The following REEP1 variants were observed in gnomAD, a reference collection of about 807,000 sequenced individuals.
The protein encoded by REEP1 is receptor accessory protein 1, also known as receptor expression-enhancing protein 1.
In REEP1, 22 loss-of-function variants were observed where a neutral mutation model predicts 40.3. That is an observed-to-expected ratio of 0.55 (90% CI 0.39 to 0.78). The LOEUF is 0.78. Ranked by LOEUF, REEP1 falls within the 30% of genes least tolerant of loss-of-function variation. The pLI is 0.00. For synonymous variants in REEP1, 116 were observed against 139.2 expected (o/e 0.83, Z 1.17); for missense variants, 280 against 361.1 (o/e 0.78, Z 1.82).
chr2:86,322,155 T>C (rs1293246481), intron 1 of REEP1, among the ~76,000 whole-genome samples: 1 of 152,204 alleles, frequency 6.6e-6, no homozygotes, highest in African/African-American at 2.4e-5. Context: ...ATGACATTTA[T>C]AGCAAAATTA....
Position 86,217,025 on chromosome 2 carries a change from T to C in REEP1, c.*14A>G. Reference sequence around the variant, plus strand: ...GAAACATTCTGTGGATCCGGTGCTGTTGGCTCATCTCACTCACGTGGTTTC... The same window carrying C: ...GAAACATTCTGTGGATCCGGTGCTGCTGGCTCATCTCACTCACGTGGTTTC... On this transcript the variant is annotated 3_prime_UTR_variant, in exon 9 of 9. Coordinates refer to ENST00000538924, the MANE Select transcript of REEP1 (RefSeq NM_001371279.1). 3 of 1,610,196 alleles carry C rather than the reference T, an allele frequency of 1.9e-6. No homozygotes were observed. Among genetic ancestry groups the C allele is most frequent in the Non-Finnish European group, 2.6e-6 (3 of 1,176,440 alleles).
chr2:86,286,927 T>C (rs1339488899), intron 1 of REEP1, among the ~76,000 whole-genome samples: 2 of 152,190 alleles, frequency 1.3e-5, no homozygotes, highest in Admixed American at 6.5e-5. Context: ...TTTTTTAAAA[T>C]GTAAGAGGAA....
intron 7 of REEP1, among the ~76,000 whole-genome samples, chr2:86,222,873 G>C (rs1188956112): frequency 6.6e-6 from 1 of 152,166 alleles, no homozygotes; most frequent in Admixed American, 6.5e-5. Flanking sequence ...TGAGTAGCTG[G>C]GTAGAAAATC....
At chr2:86,285,258 CTT>C (rs762847237) in intron 1 of REEP1, among the ~76,000 whole-genome samples, 30 of 152,316 alleles carry the variant, frequency 2.0e-4, no homozygotes, top group African/African-American at 6.7e-4. Flanking sequence ...TCCCACAACT[CTT>C]TTGTTTTTCC....
intron 6 of REEP1, among the ~76,000 whole-genome samples, chr2:86,230,677 C>T (rs1399655537): frequency 6.6e-6 from 1 of 152,220 alleles, no homozygotes; most frequent in Non-Finnish European, 1.5e-5. Flanking sequence ...TGCACTGGCG[C>T]CAGGCATGGC....
rs564749379 is a variant in REEP1 at position 86,232,292 on chromosome 2, G to A, written c.595+333C>T. Among the ~76,000 whole-genome samples the A allele has an allele frequency of 6.6e-5, 10 of 152,252 alleles. No individual in the cohort carries two copies. The South Asian group carries it at 1.9e-3, about 28-fold the overall frequency. ...TGAGAAGACAACACAGAAGGCTCCC[G>A]GGGCCCAGGTCCAGTTGTGCCTGCT... On this transcript the variant is annotated intron_variant, in intron 6 of 8. Transcript: ENST00000538924.
At chr2:86,256,170 A>T (rs1470047226) in intron 3 of REEP1, among the ~76,000 whole-genome samples, 1 of 151,780 alleles carries the variant, frequency 6.6e-6, no homozygotes, top group Non-Finnish European at 1.5e-5. Flanking sequence ...AATATGGTGA[A>T]ACTCCGTCTC....
Position 86,245,955 on chromosome 2 carries a change from G to A in REEP1, c.417+6002C>T, listed in dbSNP as rs927298308. Among the ~76,000 whole-genome samples, 23 of 151,982 alleles carry A rather than the reference G, an allele frequency of 1.5e-4. 1 individual carries two copies. The highest frequency in any genetic ancestry group is 1.4e-3 in the East Asian group (7 of 5,176). Reference sequence around the variant, plus strand: ...AATTTTTTGTATTTTTAGTAGAGACGGGGTTTCACCATGTTAGCCAGGATG... The same window carrying A: ...AATTTTTTGTATTTTTAGTAGAGACAGGGTTTCACCATGTTAGCCAGGATG... On this transcript the variant is annotated intron_variant, in intron 5 of 8. Transcript: ENST00000538924.
Position 86,246,211 on chromosome 2 carries a change from A to G in REEP1, c.417+5746T>C, listed in dbSNP as rs192167596. Among the ~76,000 whole-genome samples, 73 of 152,394 alleles carry G rather than the reference A, an allele frequency of 4.8e-4. 1 individual carries two copies. The highest frequency in any genetic ancestry group is 9.1e-4 in the Non-Finnish European group (62 of 68,042). On this transcript the variant is annotated intron_variant, in intron 5 of 8. Transcript: ENST00000538924. ...TAATGAATAGCTATGAGTGCAAAGCACTAAATAACAAAGCATTGTTCTGTT... is the reference window on the plus strand; with the variant it reads ...TAATGAATAGCTATGAGTGCAAAGCGCTAAATAACAAAGCATTGTTCTGTT...
intron 5 of REEP1, among the ~76,000 whole-genome samples, chr2:86,246,779 G>A (rs1233206805): frequency 1.4e-5 from 2 of 147,778 alleles, no homozygotes; most frequent in Non-Finnish European, 3.0e-5. Context: ...TCGGCTTACC[G>A]CGACCTCCAC....
chr2:86,261,385 A>C (rs1162774566), intron 3 of REEP1, among the ~76,000 whole-genome samples: 1 of 152,216 alleles, frequency 6.6e-6, no homozygotes, highest in African/African-American at 2.4e-5. Context: ...TTCTGTACTA[A>C]GAGAAATTCT....
intron 2 of REEP1, among the ~76,000 whole-genome samples, chr2:86,271,388 G>A (rs766348435): frequency 6.6e-6 from 1 of 150,982 alleles, no homozygotes; most frequent in Non-Finnish European, 1.5e-5. Flanking sequence ...CTTAAAAGCA[G>A]AGAGGATGCA....
intron 1 of REEP1, among the ~76,000 whole-genome samples, chr2:86,300,576 A>G (rs753096577): frequency 6.6e-6 from 1 of 152,160 alleles, no homozygotes; most frequent in Non-Finnish European, 1.5e-5. Flanking sequence ...ACACAGAGAG[A>G]GTCGAGCAGA....
intron 3 of REEP1, among the ~76,000 whole-genome samples, chr2:86,262,512 G>T (rs1676922347): frequency 6.6e-6 from 1 of 152,232 alleles, no homozygotes; most frequent in African/African-American, 2.4e-5. Context: ...TTCTCTCAGT[G>T]GAGGTGAAAG....
chr2:86,259,064 T>C (rs997770806), intron 3 of REEP1, among the ~76,000 whole-genome samples: 1 of 151,996 alleles, frequency 6.6e-6, no homozygotes, highest in Non-Finnish European at 1.5e-5. Flanking sequence ...TCCCAGCACT[T>C]TGGGAGGCCG....
intron 1 of REEP1, among the ~76,000 whole-genome samples, chr2:86,328,674 T>C (rs1001561324): frequency 6.6e-6 from 1 of 152,024 alleles, no homozygotes; most frequent in Non-Finnish European, 1.5e-5. Context: ...TAAGAATCCA[T>C]CTTAAAAAAG....
intron 7 of REEP1, among the ~76,000 whole-genome samples, chr2:86,225,106 C>G (rs899226088): frequency 6.6e-6 from 1 of 152,218 alleles, no homozygotes; most frequent in East Asian, 1.9e-4. Flanking sequence ...GTCTAGTGCC[C>G]GGTGCTGGAA....
chr2:86,299,853 C>T (rs1679178221), intron 1 of REEP1, among the ~76,000 whole-genome samples: 1 of 152,012 alleles, frequency 6.6e-6, no homozygotes, highest in African/African-American at 2.4e-5. Context: ...CAAAATCATC[C>T]ACAATCCAAC....
intron 1 of REEP1, among the ~76,000 whole-genome samples, chr2:86,289,872 C>A (rs1016358096): frequency 6.6e-6 from 1 of 152,168 alleles, no homozygotes; most frequent in Admixed American, 6.5e-5. Context: ...ACTTTCCAGG[C>A]TGCTCTCAGA....
Sources: gnomAD v4.1 joint callset for allele counts (sites outside exome capture counted in the v4.1 genomes callset) on GRCh38, gnomAD v4.1.1 for gene constraint, MANE v1.5 for transcripts, NCBI Gene and HGNC (gene_info 2026-07-23, HGNC 2026-07-21) for gene names.